Variants in PHYH observed in about 807,000 individuals in gnomAD.
PHYH encodes phytanoyl-CoA 2-hydroxylase.
A neutral mutation model predicts 38.5 loss-of-function variants in PHYH; 32 were observed. The observed-to-expected ratio is 0.83, with a 90% CI of 0.63 to 1.12. The LOEUF (loss-of-function observed/expected upper bound fraction) is 1.12, where lower values mean the gene tolerates loss of function less well. PHYH is among the 50% of genes most tolerant of loss of function. PHYH has a pLI of 0.00. For synonymous variants in PHYH, 166 were observed against 157.9 expected, an observed-to-expected ratio of 1.05 and a Z score of -0.38; for missense variants, 426 against 434.8, an observed-to-expected ratio of 0.98 and a Z score of 0.18.
At chr10:13,280,325 C>G (rs1448588605) in intron 8 of PHYH, among the ~76,000 whole-genome samples, 1 of 151,306 alleles carries the variant, frequency 6.6e-6, no homozygotes, top group Non-Finnish European at 1.5e-5. Context: ...AAACCTATAA[C>G]TTTCCTTCTA....
chr10:13,283,637 T>C (rs1835470893), intron 7 of PHYH, 53 bp downstream of exon 7: 3 of 1,546,082 alleles, frequency 1.9e-6, no homozygotes, highest in Non-Finnish European at 8.9e-7. Context: ...TTGAATACAA[T>C]TTTTGTTTCT....
intron 5 of PHYH, among the ~76,000 whole-genome samples, chr10:13,289,103 C>A (rs938372730): frequency 1.3e-5 from 2 of 152,168 alleles, no homozygotes; most frequent in Non-Finnish European, 2.9e-5. Context: ...AAATCCCGCA[C>A]TCCCTTCTTC....
chr10:13,280,192 C>T (rs1287656185), intron 8 of PHYH, among the ~76,000 whole-genome samples: 1 of 152,204 alleles, frequency 6.6e-6, no homozygotes, highest in Non-Finnish European at 1.5e-5. Context: ...AGGTCTCGAT[C>T]TCCTGACCTT....
intron 5 of PHYH, among the ~76,000 whole-genome samples, chr10:13,289,341 G>A (rs996528400): frequency 2.5e-4 from 38 of 151,982 alleles, no homozygotes; most frequent in Admixed American, 1.0e-3. Context: ...GACTACAGGC[G>A]CCCGCCACCA....
chr10:13,288,326 T>G, intron 6 of PHYH, 34 bp downstream of exon 6: 1 of 1,599,780 alleles, frequency 6.3e-7, no homozygotes, highest in Non-Finnish European at 8.6e-7. Context: ...GCGAAGGAGA[T>G]TCGGATCAAG....
intron 4 of PHYH, 76 bp downstream of exon 4, chr10:13,294,352 G>C: frequency 7.0e-7 from 1 of 1,422,212 alleles, no homozygotes; most frequent in Non-Finnish European, 9.9e-7. Context: ...CACTGCGCCC[G>C]GCCAAATCAG....
At chr10:13,283,407 G>A (rs1835465671) in intron 7 of PHYH, among the ~76,000 whole-genome samples, 1 of 152,048 alleles carries the variant, frequency 6.6e-6, no homozygotes, top group Non-Finnish European at 1.5e-5. Flanking sequence ...GGGATTATAG[G>A]CATGAGCCAC....
intron 4 of PHYH, among the ~76,000 whole-genome samples, chr10:13,292,139 T>G (rs970965961): frequency 1.3e-5 from 2 of 152,156 alleles, no homozygotes; most frequent in Non-Finnish European, 2.9e-5. Context: ...TAGCTGGGAA[T>G]GAAACCATTT....
rs369205198 is a variant in PHYH at position 13,295,503 on chromosome 10, G to A, written c.238C>T (p.Arg80Cys). 354 of 1,476,428 alleles carry A rather than the reference G, an allele frequency of 2.4e-4. No homozygotes were observed. The highest frequency in any genetic ancestry group is 3.1e-4 in the Non-Finnish European group (323 of 1,054,588). The allele number at this position is 1,476,428 out of a possible 1,614,324, so 91.5% of individuals were successfully genotyped here. A position where few individuals can be genotyped will look rare whatever the true frequency, so the allele number is the denominator to read the frequency against. ...CAAATAGTGTTACTGTACCGAAAGC[G>A]TTGAATATCGGCATCAGGTACAAGA... ...KNLVPDADIQ[R>C]FRNEFEKICR... The change falls in exon 3 of 9, where the codon CGC becomes TGC. Residue 80 changes from arginine (R) to cysteine (C), a missense_variant. Physicochemically the swap from Arg to Cys is radical, Grantham distance 180. Coordinates refer to ENST00000263038, the MANE Select transcript of PHYH (RefSeq NM_006214.4).
At chr10:13,299,795 C>G in intron 1 of PHYH, 173 bp downstream of exon 1, 1 of 1,313,670 alleles carries the variant, frequency 7.6e-7, no homozygotes, top group Middle Eastern at 2.8e-4. Flanking sequence ...GCCTCTTCCC[C>G]GCTCCCCGGC....
At chr10:13,298,359 G>A in intron 1 of PHYH, 114 bp from the exon 2 acceptor site, 3 of 675,254 alleles carry the variant, frequency 4.4e-6, no homozygotes, top group South Asian at 3.0e-5. Flanking sequence ...TTGAGCTCAG[G>A]AGTTCGAGAC....
chr10:13,298,715 C>T (rs111732425), intron 1 of PHYH, among the ~76,000 whole-genome samples: 106 of 115,342 alleles, frequency 9.2e-4, no homozygotes, highest in African/African-American at 2.6e-3. Context: ...AAAAAACTAC[C>T]ACCACTACTA....
chr10:13,294,653 G>C (rs2131652364), intron 3 of PHYH, 57 bp from the exon 4 acceptor site: 2 of 1,478,036 alleles, frequency 1.4e-6, no homozygotes, highest in East Asian at 4.5e-5. Context: ...CACCTGCCCT[G>C]CCCTCCTCTG....
chr10:13,290,445 A>G (rs9732154), intron 5 of PHYH, among the ~76,000 whole-genome samples: 40,645 of 151,938 alleles, frequency 0.27, 5,536 homozygotes, highest in South Asian at 0.35. Context: ...GCTCTCCTCA[A>G]GGAGGGAGAG....
At chr10:13,298,773 A>ACTG (rs1564430826) in intron 1 of PHYH, among the ~76,000 whole-genome samples, 184 of 119,906 alleles carry the variant, frequency 1.5e-3, no homozygotes, top group African/African-American at 5.3e-3. Flanking sequence ...TGCTACTACT[A>ACTG]CTACTACTAA....
chr10:13,298,783 A>ACTACTACTACTAC (rs1564430887), intron 1 of PHYH, among the ~76,000 whole-genome samples: 138 of 111,488 alleles, frequency 1.2e-3, no homozygotes, highest in African/African-American at 2.6e-3. Flanking sequence ...ACTACTACTA[A>ACTACTACTACTAC]TAATAATAAT....
intron 6 of PHYH, among the ~76,000 whole-genome samples, chr10:13,286,972 G>A (rs1564423178): frequency 6.6e-6 from 1 of 152,154 alleles, no homozygotes; most frequent in Non-Finnish European, 1.5e-5. Context: ...AATTATACAT[G>A]CAAAATATGT....
intron 7 of PHYH, among the ~76,000 whole-genome samples, chr10:13,282,678 C>T (rs1313074826): frequency 2.0e-5 from 3 of 151,876 alleles, no homozygotes; most frequent in East Asian, 1.9e-4. Flanking sequence ...GCCTGCACCT[C>T]GCTACTTGCA....
Position 13,298,168 on chromosome 10 carries a change from C to A in PHYH, c.134+19G>T. On this transcript the variant is annotated intron_variant, in intron 2 of 8. Coordinates refer to ENST00000263038, the MANE Select transcript of PHYH (RefSeq NM_006214.4). ...TTATATACATAATATATTTCAAAAT[C>A]AAAACTCAAACTACTTACTGGAATT... The A allele has an allele frequency of 1.3e-6, 2 of 1,541,018 alleles. No individual in the cohort carries two copies. Among genetic ancestry groups the A allele is most frequent in the Middle Eastern group, 1.7e-4 (1 of 5,922 alleles).
Sources: allele counts gnomAD v4.1 joint callset (sites outside exome capture counted in the v4.1 genomes callset), GRCh38; gene constraint gnomAD v4.1.1; transcripts MANE v1.5; gene names NCBI Gene and HGNC (gene_info 2026-07-23, HGNC 2026-07-21).